CSMD1: variants seen among roughly 807,000 people sequenced by gnomAD.
CSMD1 encodes the protein CUB and Sushi multiple domains 1, also known as CUB and sushi domain-containing protein 1.
A neutral mutation model predicts 417.5 loss-of-function variants in CSMD1; 213 were observed. The ratio of observed to expected loss-of-function variants is 0.51; its 90% CI spans 0.46 to 0.57. The LOEUF is 0.57. Among genes scored for constraint, CSMD1 ranks in the 20% least tolerant of loss-of-function variants. The pLI is 0.00. For missense variants in CSMD1, 6,923 were observed against 4,529.7 expected (o/e 1.53, Z -15.17); for synonymous variants, 2,862 against 1,736.8 (o/e 1.65, Z -16.11).
At chr8:4,105,337 A>ATTTT (rs35419182) in intron 3 of CSMD1, among the ~76,000 whole-genome samples, 3 of 151,140 alleles carry the variant, frequency 2.0e-5, no homozygotes, top group African/African-American at 7.3e-5. Flanking sequence ...ACACTTCTGA[A>ATTTT]TTTTTTTTTT....
chr8:3,233,157 T>G (rs1207402513), intron 26 of CSMD1, among the ~76,000 whole-genome samples: 1 of 152,198 alleles, frequency 6.6e-6, no homozygotes, highest in Non-Finnish European at 1.5e-5. Flanking sequence ...GCTTGACTAT[T>G]TGTCTCCTCA....
At chr8:3,930,934 A>T (rs1340062218) in intron 5 of CSMD1, among the ~76,000 whole-genome samples, 1 of 150,634 alleles carries the variant, frequency 6.6e-6, no homozygotes, top group African/African-American at 2.4e-5. Context: ...AATTGTTGCT[A>T]GGATTCTTAA....
intron 2 of CSMD1, among the ~76,000 whole-genome samples, chr8:4,537,904 C>G (rs1215948875): frequency 6.6e-6 from 1 of 152,208 alleles, no homozygotes; most frequent in Non-Finnish European, 1.5e-5. Flanking sequence ...ATTAGTTATT[C>G]TCTCTTTGTG....
chr8:3,558,257 T>C lies in CSMD1; in HGVS notation c.1344+16688A>G, dbSNP rs185579096. The stretch of plus-strand genomic sequence containing the variant: ...GACAAATAGTGCCTCAATAGTACCC[T>C]GTGTCCACTCCTCCAGTGATGAATG... On this transcript the variant is annotated intron_variant, in intron 10 of 69. Transcript: ENST00000635120. 2.4e-3 allele frequency among the ~76,000 whole-genome samples: 333 copies of C among 137,140 alleles called. 1 individual carries two copies. The highest frequency in any genetic ancestry group is 4.6e-3 in the South Asian group (19 of 4,138). 90.0% of individuals were successfully genotyped at this position (137,140 alleles called of 152,430 possible). A position where few individuals can be genotyped will look rare whatever the true frequency, so the allele number is the denominator to read the frequency against.
At chr8:4,462,108 C>G (rs1199840727) in intron 2 of CSMD1, among the ~76,000 whole-genome samples, 1 of 152,018 alleles carries the variant, frequency 6.6e-6, no homozygotes. Flanking sequence ...CTCCTGGGCT[C>G]AAGGGATCCT....
At chr8:3,820,498 C>A (rs1213061863) in intron 5 of CSMD1, among the ~76,000 whole-genome samples, 1 of 152,228 alleles carries the variant, frequency 6.6e-6, no homozygotes. Context: ...TCAGGGTCAA[C>A]AGCACACGTG....
chr8:3,307,413 G>T (rs1168393414), intron 25 of CSMD1, among the ~76,000 whole-genome samples: 2 of 27,322 alleles, frequency 7.3e-5, no homozygotes, highest in Admixed American at 3.4e-4. Flanking sequence ...ACGAAGTCAT[G>T]ATGTTTTTTT....
rs1799202016 is a variant in CSMD1 at position 3,237,162 on chromosome 8, T to C, written c.4154-6931A>G. Reference sequence around the variant, plus strand: ...TTTTTGCAACTAGATAAGAGAGATATATATATAGTCTCACAACTTTGCAGG... The same window carrying C: ...TTTTTGCAACTAGATAAGAGAGATACATATATAGTCTCACAACTTTGCAGG... On this transcript the variant is annotated intron_variant, in intron 26 of 69. Coordinates refer to ENST00000635120, the MANE Select transcript of CSMD1 (RefSeq NM_033225.6). 2.6e-5 allele frequency among the ~76,000 whole-genome samples: 4 copies of C among 151,774 alleles called. No individual in the cohort carries two copies. In the South Asian group the frequency reaches 8.3e-4, roughly 32 times the overall value.
chr8:4,048,415 C>T (rs900234506), intron 3 of CSMD1, among the ~76,000 whole-genome samples: 3 of 152,190 alleles, frequency 2.0e-5, no homozygotes, highest in African/African-American at 7.2e-5. Flanking sequence ...GTACATATTT[C>T]AATTTATGAA....
intron 4 of CSMD1, among the ~76,000 whole-genome samples, chr8:4,010,787 C>A (rs1816481946): frequency 6.6e-6 from 1 of 152,190 alleles, no homozygotes; most frequent in Non-Finnish European, 1.5e-5. Context: ...TTTACCATAA[C>A]TCTGCCATCA....
At chr8:4,876,276 G>A (rs1159837780) in intron 1 of CSMD1, among the ~76,000 whole-genome samples, 1 of 152,000 alleles carries the variant, frequency 6.6e-6, no homozygotes, top group Non-Finnish European at 1.5e-5. Flanking sequence ...CAATTCATAT[G>A]CTGCAATCAT....
At chr8:3,143,141 CCA>C (rs1254817640) in intron 40 of CSMD1, among the ~76,000 whole-genome samples, 1 of 152,140 alleles carries the variant, frequency 6.6e-6, no homozygotes, top group Non-Finnish European at 1.5e-5. Flanking sequence ...TTAAAACATG[CCA>C]CAGAGTTTTT....
intron 5 of CSMD1, among the ~76,000 whole-genome samples, chr8:3,913,512 T>C (rs1287919514): frequency 1.3e-5 from 2 of 152,066 alleles, no homozygotes; most frequent in Non-Finnish European, 2.9e-5. Context: ...AAAAATGTGT[T>C]TCAGAAAGGA....
intron 3 of CSMD1, among the ~76,000 whole-genome samples, chr8:4,230,518 TAC>T (rs1801657226): frequency 6.6e-6 from 1 of 152,194 alleles, no homozygotes; most frequent in East Asian, 1.9e-4. Flanking sequence ...CTTTCCCACA[TAC>T]AGAGTTTTTA....
At chr8:3,729,795 C>G (rs1017207724) in intron 6 of CSMD1, among the ~76,000 whole-genome samples, 1 of 151,864 alleles carries the variant, frequency 6.6e-6, no homozygotes, top group Non-Finnish European at 1.5e-5. Context: ...TCCTGATGAC[C>G]ATGATTTCTT....
chr8:4,200,295 T>A (rs903584435), intron 3 of CSMD1, among the ~76,000 whole-genome samples: 3 of 152,322 alleles, frequency 2.0e-5, no homozygotes, highest in Non-Finnish European at 2.9e-5. Flanking sequence ...ATTTTTTTGT[T>A]AATTATGCTT....
At chr8:3,300,982 G>T (rs80154570) in intron 25 of CSMD1, among the ~76,000 whole-genome samples, 7 of 102,446 alleles carry the variant, frequency 6.8e-5, no homozygotes, top group African/African-American at 2.5e-4. Context: ...AAAAAAAAAA[G>T]AGAAAGAAAA....
At chr8:4,223,092 C>A (rs1233772764) in intron 3 of CSMD1, among the ~76,000 whole-genome samples, 1 of 152,022 alleles carries the variant, frequency 6.6e-6, no homozygotes, top group African/African-American at 2.4e-5. Flanking sequence ...TTCCCTCCCG[C>A]CCTGCCCTGA....
At chr8:4,147,183 G>C (rs1170989103) in intron 3 of CSMD1, among the ~76,000 whole-genome samples, 12 of 151,596 alleles carry the variant, frequency 7.9e-5, no homozygotes, top group Non-Finnish European at 1.0e-4. Flanking sequence ...CCCACCACCA[G>C]GCAACACTCC....
Sources: gnomAD v4.1 joint callset for allele counts (sites outside exome capture counted in the v4.1 genomes callset) on GRCh38, gnomAD v4.1.1 for gene constraint, MANE v1.5 for transcripts, NCBI Gene and HGNC (gene_info 2026-07-23, HGNC 2026-07-21) for gene names.